The following TMEM117 variants were observed in gnomAD, a reference collection of about 807,000 sequenced individuals.
TMEM117 encodes transmembrane protein 117.
TMEM117 carries 27 observed loss-of-function variants against 52.4 expected under a neutral mutation model. That is an observed-to-expected ratio of 0.51 (90% CI 0.38 to 0.71). The LOEUF is 0.71. Ranked by LOEUF, TMEM117 falls within the 30% of genes least tolerant of loss-of-function variation. TMEM117 has a pLI of 0.00. For synonymous variants in TMEM117, 215 were observed against 206.3 expected (o/e 1.04, Z -0.36); for missense variants, 556 against 630.5 (o/e 0.88, Z 1.26).
intron 5 of TMEM117, among the ~76,000 whole-genome samples, chr12:44,298,553 A>G (rs1592675345): frequency 6.6e-6 from 1 of 150,810 alleles, no homozygotes; most frequent in Non-Finnish European, 1.5e-5. Context: ...CTACTTTAAA[A>G]GTCAGCATTA....
intron 5 of TMEM117, among the ~76,000 whole-genome samples, chr12:44,254,598 C>CT (rs1454205681): frequency 1.3e-5 from 2 of 151,712 alleles, no homozygotes; most frequent in Non-Finnish European, 2.9e-5. Flanking sequence ...TAGTCATACC[C>CT]TTGATTCAGT....
At chr12:44,166,835 C>T (rs1046631982) in intron 4 of TMEM117, among the ~76,000 whole-genome samples, 2 of 152,194 alleles carry the variant, frequency 1.3e-5, no homozygotes, top group African/African-American at 2.4e-5. Flanking sequence ...ATTAGCCTCT[C>T]TACCCAAATT....
chr12:43,939,264 A>G (rs1228789226), intron 2 of TMEM117, among the ~76,000 whole-genome samples: 1 of 152,198 alleles, frequency 6.6e-6, no homozygotes, highest in African/African-American at 2.4e-5. Flanking sequence ...GCCAAATCAT[A>G]TATAGGTTGG....
chr12:44,095,286 C>A, intron 3 of TMEM117, among the ~76,000 whole-genome samples: 1 of 152,098 alleles, frequency 6.6e-6, no homozygotes, highest in East Asian at 1.9e-4. Context: ...ATTCTTAATT[C>A]TTTTTGGCTT....
chr12:43,970,949 A>G (rs1163943273), intron 3 of TMEM117, among the ~76,000 whole-genome samples: 1 of 152,038 alleles, frequency 6.6e-6, no homozygotes, highest in Non-Finnish European at 1.5e-5. Flanking sequence ...AGCCATTTGA[A>G]TATGTCAACG....
chr12:43,881,601 C>T (rs1943896261), intron 2 of TMEM117, among the ~76,000 whole-genome samples: 1 of 151,594 alleles, frequency 6.6e-6, no homozygotes, highest in African/African-American at 2.4e-5. Context: ...ACCAGCCTGA[C>T]CAAAATGGAG....
At chr12:44,048,258 G>A (rs1946911177) in intron 3 of TMEM117, among the ~76,000 whole-genome samples, 1 of 151,672 alleles carries the variant, frequency 6.6e-6, no homozygotes, top group Non-Finnish European at 1.5e-5. Flanking sequence ...CATTCATCTT[G>A]CCAAGGGATT....
intron 6 of TMEM117, among the ~76,000 whole-genome samples, chr12:44,364,988 G>T (rs891436853): frequency 6.6e-6 from 1 of 151,924 alleles, no homozygotes; most frequent in Non-Finnish European, 1.5e-5. Context: ...AGTGATATAG[G>T]AATCTGATAT....
chr12:44,269,655 TTTTG>T (rs1950422835), intron 5 of TMEM117, among the ~76,000 whole-genome samples: 2 of 152,234 alleles, frequency 1.3e-5, no homozygotes, highest in South Asian at 4.1e-4. Context: ...TTACCTTCGA[TTTTG>T]TTTATTGATT....
chr12:43,875,835 C>T (rs1943785989), intron 2 of TMEM117, among the ~76,000 whole-genome samples: 1 of 152,150 alleles, frequency 6.6e-6, no homozygotes, highest in Non-Finnish European at 1.5e-5. Context: ...ACTCACTCTT[C>T]TCTCTTCCCC....
chr12:43,913,468 C>G (rs1484477446), intron 2 of TMEM117, among the ~76,000 whole-genome samples: 1 of 151,936 alleles, frequency 6.6e-6, no homozygotes, highest in Non-Finnish European at 1.5e-5. Context: ...ATAAAAGATC[C>G]CATTTACCTG....
intron 6 of TMEM117, among the ~76,000 whole-genome samples, chr12:44,325,471 AT>A (rs146446003): frequency 1.3e-5 from 2 of 151,138 alleles, no homozygotes; most frequent in Non-Finnish European, 2.9e-5. Flanking sequence ...CAGTGGAGAT[AT>A]TTTTTCTCAA....
intron 6 of TMEM117, among the ~76,000 whole-genome samples, chr12:44,300,964 C>T (rs1950832163): frequency 6.6e-6 from 1 of 152,126 alleles, no homozygotes; most frequent in Admixed American, 6.6e-5. Context: ...ATGTATCATG[C>T]ATTACTTATA....
intron 6 of TMEM117, among the ~76,000 whole-genome samples, chr12:44,374,522 T>A (rs748822955): frequency 3.9e-5 from 6 of 152,046 alleles, no homozygotes; most frequent in Non-Finnish European, 8.8e-5. Context: ...AGATAAAAAC[T>A]AAGACTTGTT....
chr12:43,818,433 G>A, the TMEM117 span, among the ~76,000 whole-genome samples: 10 of 140,968 alleles, frequency 7.1e-5, no homozygotes, highest in Non-Finnish European at 1.6e-4. Flanking sequence ...TTTTTTTTGT[G>A]TTTTTTTTTT....
At chr12:44,284,248 G>A (rs1337003757) in intron 5 of TMEM117, among the ~76,000 whole-genome samples, 2 of 151,924 alleles carry the variant, frequency 1.3e-5, no homozygotes, top group East Asian at 3.9e-4. Context: ...AGAGGTGGAG[G>A]TTTCAGTGAG....
chr12:44,083,282 C>T (rs1278634784), intron 3 of TMEM117, among the ~76,000 whole-genome samples: 4 of 151,080 alleles, frequency 2.6e-5, no homozygotes, highest in Non-Finnish European at 4.4e-5. Context: ...ACTAAATTAT[C>T]ATATAATGAC....
chr12:44,388,303 C>A lies in TMEM117; in HGVS notation c.1176C>A (p.Val392=). ...HSRFIGASLD[V]KCLAFVPSLI... ...GGTTCATAGGAGCCAGTCTTGATGT[C>A]AAGTGTCTGGCCTTTGTTCCAAGCC... The change falls in exon 8 of 8, where the codon GTC becomes GTA. Residue 392 remains valine, a synonymous_variant. Transcript: ENST00000266534. 6.2e-7 allele frequency: 1 copy of A among 1,613,550 alleles called. No homozygotes were observed. Among genetic ancestry groups the A allele is most frequent in the Non-Finnish European group, 8.5e-7 (1 of 1,179,662 alleles).
chr12:44,245,718 G>A (rs955507324), intron 5 of TMEM117, among the ~76,000 whole-genome samples: 1 of 151,734 alleles, frequency 6.6e-6, no homozygotes, highest in African/African-American at 2.4e-5. Flanking sequence ...AAAAAGCTTA[G>A]GGAGCAACTA....
Sources: gnomAD v4.1 joint callset for allele counts (sites outside exome capture counted in the v4.1 genomes callset) on GRCh38, gnomAD v4.1.1 for gene constraint, MANE v1.5 for transcripts, NCBI Gene and HGNC (gene_info 2026-07-23, HGNC 2026-07-21) for gene names.